Variants in RSRC1 observed in about 807,000 individuals in gnomAD.
RSRC1 encodes serine/Arginine-related protein 53.
RSRC1 carries 39 observed loss-of-function variants against 49.1 expected under a neutral mutation model. That is an observed-to-expected ratio of 0.79 (90% CI 0.61 to 1.04). The LOEUF is 1.04. Ranked by LOEUF, RSRC1 falls within the 50% of genes least tolerant of loss-of-function variation. The pLI is 0.00. For synonymous variants in RSRC1, 143 were observed against 130.8 expected, an observed-to-expected ratio of 1.09 and a Z score of -0.63; for missense variants, 388 against 402.4, an observed-to-expected ratio of 0.96 and a Z score of 0.31.
At chr3:158,368,513 C>T (rs1731899944) in intron 6 of RSRC1, among the ~76,000 whole-genome samples, 1 of 152,206 alleles carries the variant, frequency 6.6e-6, no homozygotes, top group Non-Finnish European at 1.5e-5. Flanking sequence ...TTCCCTTGAC[C>T]ATGGACTGTT....
At chr3:158,377,809 G>A (rs1294897953) in intron 6 of RSRC1, among the ~76,000 whole-genome samples, 2 of 152,128 alleles carry the variant, frequency 1.3e-5, no homozygotes, top group Admixed American at 6.5e-5. Flanking sequence ...GCAGGTGCCT[G>A]CCACCACACC....
At chr3:158,446,567 G>A (rs1005261220) in intron 6 of RSRC1, among the ~76,000 whole-genome samples, 20 of 151,786 alleles carry the variant, frequency 1.3e-4, no homozygotes, top group Non-Finnish European at 7.4e-5. Flanking sequence ...CTTATATATT[G>A]TGTTTCTTAT....
At chr3:158,292,108 C>T (rs1408763405) in intron 4 of RSRC1, among the ~76,000 whole-genome samples, 3 of 152,124 alleles carry the variant, frequency 2.0e-5, no homozygotes, top group African/African-American at 4.8e-5. Context: ...AGTCTTGTCC[C>T]AGTTAGTTTT....
intron 1 of RSRC1, among the ~76,000 whole-genome samples, chr3:158,119,079 C>A (rs978020672): frequency 6.6e-6 from 1 of 152,134 alleles, no homozygotes; most frequent in Non-Finnish European, 1.5e-5. Context: ...CCAAAATAAA[C>A]GTTCTCTCCT....
chr3:158,504,163 T>C (rs957193230), intron 7 of RSRC1, among the ~76,000 whole-genome samples: 2 of 152,196 alleles, frequency 1.3e-5, no homozygotes, highest in Non-Finnish European at 2.9e-5. Flanking sequence ...TGGGGGTGTG[T>C]GTTCGGGAGA....
chr3:158,360,742 A>G (rs1275972485), intron 6 of RSRC1, among the ~76,000 whole-genome samples: 1 of 152,140 alleles, frequency 6.6e-6, no homozygotes, highest in African/African-American at 2.4e-5. Flanking sequence ...AGGAGTGGAG[A>G]GAGGCCAGGC....
At chr3:158,334,485 ATTT>A (rs11287218) in intron 5 of RSRC1, among the ~76,000 whole-genome samples, 14 of 146,146 alleles carry the variant, frequency 9.6e-5, no homozygotes, top group Non-Finnish European at 9.0e-5. Flanking sequence ...TAACAGGAGA[ATTT>A]TTTTTTTTTT....
At chr3:158,355,627 C>T (rs1257797853) in intron 6 of RSRC1, among the ~76,000 whole-genome samples, 2 of 151,892 alleles carry the variant, frequency 1.3e-5, no homozygotes, top group Non-Finnish European at 2.9e-5. Flanking sequence ...ATACCATGTT[C>T]ACTTGCATAT....
At chr3:158,441,316 G>T (rs1736368222) in intron 6 of RSRC1, among the ~76,000 whole-genome samples, 1 of 152,018 alleles carries the variant, frequency 6.6e-6, no homozygotes, top group Non-Finnish European at 1.5e-5. Flanking sequence ...AAGAGACAAA[G>T]TCTACTAAAA....
At chr3:158,464,837 A>G (rs1044984803) in intron 7 of RSRC1, among the ~76,000 whole-genome samples, 1 of 152,092 alleles carries the variant, frequency 6.6e-6, no homozygotes, top group African/African-American at 2.4e-5. Context: ...ACAAAGGCAC[A>G]GTGCTTAATA....
intron 6 of RSRC1, among the ~76,000 whole-genome samples, chr3:158,356,576 T>TTACTAAAA (rs1312751921): frequency 6.6e-6 from 1 of 152,086 alleles, no homozygotes; most frequent in African/African-American, 2.4e-5. Context: ...AAAACATTAC[T>TTACTAAAA]TACTAAAATT....
At position 158,252,472 on chromosome 3, in the gene RSRC1, G is replaced by C. The variant is rs572058257; in HGVS notation, c.495-45567G>C. On this transcript the variant is annotated intron_variant, in intron 4 of 9. Transcript: ENST00000611884. ...AAGCCACCACGCCCGGCCGATGAAT[G>C]TGTTCTTGAATTCAGTTTGCTAGTA... is the stretch of plus-strand genomic sequence containing the variant. 2.7e-4 allele frequency among the ~76,000 whole-genome samples: 41 copies of C among 152,240 alleles called. No individual in the cohort carries two copies. The South Asian group carries it at 8.3e-3, about 31-fold the overall frequency.
At chr3:158,505,324 T>G (rs2108465713) in intron 7 of RSRC1, among the ~76,000 whole-genome samples, 1 of 152,304 alleles carries the variant, frequency 6.6e-6, no homozygotes, top group South Asian at 2.1e-4. Flanking sequence ...GTTCCTAGAT[T>G]AGCCCTCTCT....
intron 3 of RSRC1, among the ~76,000 whole-genome samples, chr3:158,172,465 A>G (rs1559928537): frequency 6.6e-6 from 1 of 152,204 alleles, no homozygotes; most frequent in South Asian, 2.1e-4. Flanking sequence ...AATTATGAAG[A>G]TACTTTTTTA....
intron 5 of RSRC1, among the ~76,000 whole-genome samples, chr3:158,341,640 G>A (rs966216594): frequency 5.9e-5 from 9 of 152,206 alleles, no homozygotes; most frequent in African/African-American, 1.9e-4. Flanking sequence ...GGACAGTGCA[G>A]AATGGAAATA....
intron 4 of RSRC1, among the ~76,000 whole-genome samples, chr3:158,286,337 T>C (rs1250528970): frequency 6.6e-6 from 1 of 152,252 alleles, no homozygotes; most frequent in Non-Finnish European, 1.5e-5. Flanking sequence ...TGAATCTCTC[T>C]GATCCTCATT....
intron 3 of RSRC1, among the ~76,000 whole-genome samples, chr3:158,154,668 T>A (rs1717752572): frequency 6.6e-6 from 1 of 152,108 alleles, no homozygotes; most frequent in Admixed American, 6.5e-5. Context: ...TTTCACCATG[T>A]TGGCCAGGAT....
intron 3 of RSRC1, among the ~76,000 whole-genome samples, chr3:158,196,250 C>G (rs1438821008): frequency 6.6e-6 from 1 of 151,826 alleles, no homozygotes; most frequent in African/African-American, 2.4e-5. Context: ...GTATTTTATT[C>G]TCTTTGAAGC....
chr3:158,352,167 G>A (rs1294091297), intron 5 of RSRC1, among the ~76,000 whole-genome samples: 2 of 151,900 alleles, frequency 1.3e-5, no homozygotes, highest in Non-Finnish European at 2.9e-5. Context: ...AGCTACTCAG[G>A]GAGCTGAGGC....
Sources: gnomAD v4.1 joint callset for allele counts (sites outside exome capture counted in the v4.1 genomes callset) on GRCh38, gnomAD v4.1.1 for gene constraint, MANE v1.5 for transcripts, NCBI Gene and HGNC (gene_info 2026-07-23, HGNC 2026-07-21) for gene names.